GBP1: variants seen among roughly 807,000 people sequenced by gnomAD.
GBP1 encodes guanylate-binding protein 1.
A neutral mutation model predicts 69.5 loss-of-function variants in GBP1; 64 were observed. That is an observed-to-expected ratio of 0.92 (90% CI 0.75 to 1.13). GBP1 has a LOEUF of 1.13. Among genes scored for constraint, GBP1 ranks in the 50% most tolerant of loss-of-function variants. The probability of loss-of-function intolerance (pLI) is 0.00; values close to 1 mark genes in which losing one functional copy is unlikely to be tolerated. For synonymous variants in GBP1, 250 were observed against 261.2 expected (o/e 0.96, Z 0.41); for missense variants, 630 against 704.1 (o/e 0.89, Z 1.19).
chr1:89,058,094 G>A lies in GBP1; in HGVS notation c.772C>T (p.Leu258=). Residue 258 remains leucine, a synonymous_variant, in exon 6 of 11, where the codon CTG becomes TTG. Transcript: ENST00000370473. The part of the protein sequence containing the change: ...AQLEKLQDEE[L]DPEFVQQVAD... ...ACTTGTTGCACAAATTCGGGGTCCAGCTCTTCATCTTGTAGTTTCTCGAGC... is the reference window on the plus strand; with the variant it reads ...ACTTGTTGCACAAATTCGGGGTCCAACTCTTCATCTTGTAGTTTCTCGAGC... 2 of 1,614,170 alleles carry A rather than the reference G, an allele frequency of 1.2e-6. No homozygotes were observed. Among genetic ancestry groups the A allele is most frequent in the East Asian group, 2.2e-5 (1 of 44,878 alleles).
rs1024134604 is a variant in GBP1, at chr1:89,059,312, G to T, written c.428+5C>A. 1 of 1,614,050 alleles carries T rather than the reference G, an allele frequency of 6.2e-7. No individual in the cohort carries two copies. Among genetic ancestry groups the T allele is most frequent in the Non-Finnish European group, 8.5e-7 (1 of 1,179,972 alleles). On this transcript the variant is annotated splice_donor_5th_base_variant and intron_variant, in intron 4 of 10. Coordinates refer to ENST00000370473, the MANE Select transcript of GBP1 (RefSeq NM_002053.3). ...TTGGTGCTGTTCTGGGTCACAAAAG[G>T]ATACTACAGTTGGTCCATAGCCTGC...
chr1:89,054,986 T>C, intron 9 of GBP1, 111 bp from the exon 10 acceptor site: 1 of 1,413,474 alleles, frequency 7.1e-7, no homozygotes, highest in Admixed American at 2.0e-5. Flanking sequence ...TACTCAGAGA[T>C]GACCTCGGCA....
intron 2 of GBP1, among the ~76,000 whole-genome samples, chr1:89,062,111 TAA>T (rs1557751342): frequency 1.3e-5 from 2 of 152,098 alleles, no homozygotes; most frequent in South Asian, 4.1e-4. Flanking sequence ...AGTGATTTCT[TAA>T]AAAAAGTTAA....
chr1:89,059,142 C>A lies in GBP1; in HGVS notation c.429-99G>T, dbSNP rs943554724. ...ACCTTCCATTTTCCTTTGCTCCTAA[C>A]CTAAGTGTCAGTGTCAGTTCTAAAG... On this transcript the variant is annotated intron_variant, in intron 4 of 10. Transcript: ENST00000370473. The A allele has an allele frequency of 1.9e-6, 3 of 1,589,968 alleles. No homozygotes were observed. The African/African-American group carries it at 4.0e-5, about 21-fold the overall frequency.
At chr1:89,060,697 T>C (rs1401832825) in intron 2 of GBP1, among the ~76,000 whole-genome samples, 1 of 152,238 alleles carries the variant, frequency 6.6e-6, no homozygotes, top group Admixed American at 6.5e-5. Context: ...ACACTGCAAG[T>C]CCTATCCAGA....
At chr1:89,056,682 G>A (rs190006561) in intron 7 of GBP1, among the ~76,000 whole-genome samples, 172 bp downstream of exon 7, 2 of 152,222 alleles carry the variant, frequency 1.3e-5, no homozygotes, top group Admixed American at 1.3e-4. Context: ...TAGAACTTTG[G>A]GTCTGTAATA....
intron 1 of GBP1, among the ~76,000 whole-genome samples, chr1:89,064,036 C>G (rs371405626): frequency 8.7e-4 from 132 of 152,118 alleles, no homozygotes; most frequent in Non-Finnish European, 3.2e-4. Context: ...GATCAAGAGG[C>G]AGATAAAGAG....
At position 89,056,045 on chromosome 1, in the gene GBP1, A is replaced by C. The variant is rs1165616302; in HGVS notation, c.1339T>G (p.Tyr447Asp). ...ATCCCCTTCCTCGGTTCCTCATAGT[A>C]CTTTTTCTTCAGGTCTTGTAGCTTC... The part of the protein sequence containing the change: ...VQKLQDLKKK[Y>D]YEEPRKGIQA... Residue 447 changes from tyrosine to aspartate, a missense_variant, in exon 8 of 11, where the codon TAC becomes GAC. Transcript: ENST00000370473. 5.6e-6 allele frequency: 9 copies of C among 1,613,948 alleles called. No homozygotes were observed. The highest frequency in any genetic ancestry group is 7.6e-6 in the Non-Finnish European group (9 of 1,179,850).
intron 3 of GBP1, 37 bp downstream of exon 3, chr1:89,060,160 G>A: frequency 1.3e-6 from 2 of 1,555,612 alleles, no homozygotes; most frequent in Non-Finnish European, 1.7e-6. Flanking sequence ...ATTCAGAGAG[G>A]AGGGGCTTAC....
At chr1:89,054,379 C>T (rs1264857835) in intron 10 of GBP1, among the ~76,000 whole-genome samples, 14 of 137,182 alleles carry the variant, frequency 1.0e-4, no homozygotes, top group Middle Eastern at 7.1e-3. Context: ...GGATTACAGG[C>T]GTGAGCCACA....
chr1:89,055,828 C>T, intron 8 of GBP1, 188 bp downstream of exon 8: 2 of 680,240 alleles, frequency 2.9e-6, no homozygotes, highest in Non-Finnish European at 5.1e-6. Flanking sequence ...AGTTAATTGA[C>T]TGCACTCTCT....
Position 89,058,206 on chromosome 1 carries a change from G to A in GBP1, c.660C>T (p.Asn220=). The change falls in exon 6 of 11, where the codon AAC becomes AAT. Residue 220 remains asparagine (N), a synonymous_variant. Transcript: ENST00000370473. The part of the protein sequence containing the change: ...KGTSQKDETF[N]LPRLCIRKFF... ...ATTTCCGGATACAGAGTCTGGGCAG[G>A]TTAAAAGTTTCATCTTTTTGACTGG... 6.3e-7 allele frequency: 1 copy of A among 1,598,644 alleles called. No homozygotes were observed. The highest frequency in any genetic ancestry group is 8.5e-7 in the Non-Finnish European group (1 of 1,174,178).
At chr1:89,057,803 T>A (rs911059517) in intron 6 of GBP1, among the ~76,000 whole-genome samples, 189 bp downstream of exon 6, 1 of 152,246 alleles carries the variant, frequency 6.6e-6, no homozygotes, top group African/African-American at 2.4e-5. Context: ...GCAATAGAAC[T>A]TTTTTCCTTT....
At chr1:89,058,565 T>C (rs572163256) in intron 5 of GBP1, 23 of 555,222 alleles carry the variant, frequency 4.1e-5, no homozygotes, top group Non-Finnish European at 6.4e-5. Context: ...ACTCTATGGC[T>C]AAGTAGAAGA....
intron 6 of GBP1, 111 bp downstream of exon 6, chr1:89,057,881 A>G (rs1001797443): frequency 3.4e-6 from 4 of 1,189,110 alleles, no homozygotes; most frequent in Non-Finnish European, 4.7e-6. Flanking sequence ...TCTAGAATTT[A>G]ACACAAATAT....
In GBP1 at chr1:89,057,991, C is replaced by T. The variant is rs139189718; in HGVS notation, c.874+1G>A. ...GCAGAAGTACTAGGAAGGGGACTTA[C>T]GAGGCCCGTTGACCTGGATGCCTCC... is the stretch of plus-strand genomic sequence containing the variant. On this transcript the variant is annotated splice_donor_variant, in intron 6 of 10. Coordinates refer to ENST00000370473, the MANE Select transcript of GBP1 (RefSeq NM_002053.3). LOFTEE classifies it high-confidence loss of function. 1.3e-4 allele frequency: 208 copies of T among 1,609,744 alleles called. No individual in the cohort carries two copies. The African/African-American group carries it at 2.6e-3, about 20-fold the overall frequency.
chr1:89,056,127 T>G lies in GBP1; in HGVS notation c.1257A>C (p.Glu419Asp), dbSNP rs780812565. Residue 419 changes from glutamate to aspartate, a missense_variant, in exon 8 of 11, where the codon GAA becomes GAC. By Grantham distance (45) the Glu-to-Asp change is conservative. Transcript: ENST00000370473. ...AATAAATTCCCGCCTTCACTTCTTC[T>G]TCTAGAGGACTGAAAATGACCTGAA... ...ALLQVIFSPL[E>D]EEVKAGIYSK... 5.6e-6 allele frequency: 9 copies of G among 1,613,968 alleles called. No individual in the cohort carries two copies. The South Asian group carries it at 8.8e-5, about 16-fold the overall frequency.
In GBP1 at chr1:89,053,324, T is replaced by A; in HGVS notation, c.*31A>T. On this transcript the variant is annotated 3_prime_UTR_variant, in exon 11 of 11. Coordinates refer to ENST00000370473, the MANE Select transcript of GBP1 (RefSeq NM_002053.3). The stretch of plus-strand genomic sequence containing the variant: ...ATTCTAAAATTGTTTCAATTATGCC[T>A]TGGTTAGGGGTGACAGGAAGGCTCT... 3 of 1,541,680 alleles carry A rather than the reference T, an allele frequency of 1.9e-6. No individual in the cohort carries two copies. Among genetic ancestry groups the A allele is most frequent in the Non-Finnish European group, 2.6e-6 (3 of 1,132,862 alleles).
At chr1:89,058,423 C>A in intron 5 of GBP1, 189 bp from the exon 6 acceptor site, 1 of 576,536 alleles carries the variant, frequency 1.7e-6, no homozygotes, top group East Asian at 3.0e-5. Context: ...CCAAAAAAAC[C>A]TTATTTACAA....
Sources: gnomAD v4.1 joint callset for allele counts (sites outside exome capture counted in the v4.1 genomes callset) on GRCh38, gnomAD v4.1.1 for gene constraint, MANE v1.5 for transcripts, NCBI Gene and HGNC (gene_info 2026-07-23, HGNC 2026-07-21) for gene names.